GABRA3: variants seen among roughly 807,000 people sequenced by gnomAD.
GABRA3 encodes the protein gamma-aminobutyric acid receptor subunit alpha-3.
Under a neutral mutation model 30.1 loss-of-function variants are expected in GABRA3, and 10 were observed. The observed-to-expected ratio is 0.33, with a 90% CI of 0.20 to 0.56. The LOEUF (loss-of-function observed/expected upper bound fraction) is 0.56, where lower values mean the gene tolerates loss of function less well. Ranked by LOEUF, GABRA3 falls within the 20% of genes least tolerant of loss-of-function variation. GABRA3 has a pLI of 0.89. For synonymous variants in GABRA3, 151 were observed against 146.8 expected (o/e 1.03, Z -0.21); for missense variants, 233 against 392.0 (o/e 0.59, Z 3.42).
rs532244816 is a variant in GABRA3, at chrX:152,182,045, A to G, written c.1143+7685T>C. ...GATGTTAGCTGTGGGTTTGTCATAT[A>G]TGGCCTTTATTGTGATTGTAATTAG... On this transcript the variant is annotated intron_variant, in intron 9 of 9. Transcript: ENST00000370314. Among the ~76,000 whole-genome samples the G allele has an allele frequency of 8.2e-5, 9 of 109,964 alleles. No individual in the cohort carries two copies. In the South Asian group the frequency reaches 3.5e-3, roughly 43 times the overall value.
chrX:152,342,450 C>T (rs186279739), intron 3 of GABRA3, among the ~76,000 whole-genome samples: 15 of 111,516 alleles, frequency 1.3e-4, no homozygotes, highest in Admixed American at 1.9e-4. Flanking sequence ...GCACTGATTT[C>T]CATTTCATTT....
intron 4 of GABRA3, among the ~76,000 whole-genome samples, chrX:152,279,424 T>C (rs1268725480): frequency 9.0e-6 from 1 of 111,454 alleles, no homozygotes; most frequent in Non-Finnish European, 1.9e-5. Context: ...TAGTTGTAGA[T>C]ATGTGGCATT....
At chrX:152,235,299 T>C (rs772095191) in intron 5 of GABRA3, among the ~76,000 whole-genome samples, 2 of 111,968 alleles carry the variant, frequency 1.8e-5, no homozygotes, top group East Asian at 5.6e-4. Flanking sequence ...TTGATTTTTA[T>C]ATGTGGATTT....
At chrX:152,432,485 C>T (rs960070283) in intron 1 of GABRA3, among the ~76,000 whole-genome samples, 7 of 110,878 alleles carry the variant, frequency 6.3e-5, no homozygotes, top group African/African-American at 2.0e-4. Flanking sequence ...ATATTATGAA[C>T]AACTTTAGCC....
chrX:152,366,907 G>A (rs989939662), intron 1 of GABRA3, among the ~76,000 whole-genome samples: 2 of 111,511 alleles, frequency 1.8e-5, no homozygotes, highest in African/African-American at 6.5e-5. Context: ...TGGTCCATGA[G>A]TAGGCAGACA....
Position 152,168,308 on chromosome X carries a change from A to G in GABRA3, c.1399T>C (p.Phe467Leu), listed in dbSNP as rs766792912. 1 of 1,210,098 alleles carries G rather than the reference A, an allele frequency of 8.3e-7. No homozygotes were observed. Among genetic ancestry groups the G allele is most frequent in the East Asian group, 3.0e-5 (1 of 33,757 alleles). ...CAATAGACCAGATTGAATATGGCAA[A>G]GAGCACAGGAAAGATGATGCGGGAA... ...KISRIIFPVL[F>L]AIFNLVYWAT... is the part of the protein sequence containing the mutation. The change falls in exon 10 of 10, where the codon TTT becomes CTT. Residue 467 changes from phenylalanine to leucine, a missense_variant. Phe to Leu is a conservative substitution (Grantham distance 22). Transcript: ENST00000370314.
At chrX:152,285,132 A>G (rs1318757230) in intron 3 of GABRA3, among the ~76,000 whole-genome samples, 2 of 111,733 alleles carry the variant, frequency 1.8e-5, no homozygotes, top group Non-Finnish European at 3.8e-5. Flanking sequence ...TAAAATATAG[A>G]GGGGCAATAG....
chrX:152,380,004 A>T (rs886864905), intron 1 of GABRA3, among the ~76,000 whole-genome samples: 4 of 110,813 alleles, frequency 3.6e-5, no homozygotes, highest in Admixed American at 2.9e-4. Flanking sequence ...TGCCTGGCTA[A>T]TTTTTGTATT....
Position 152,171,565 on chromosome X carries a change from C to G in GABRA3, c.1144-3002G>C, listed in dbSNP as rs778292037. 2.6e-5 allele frequency: 3 copies of G among 113,407 alleles called. No individual in the cohort carries two copies. The East Asian group carries it at 8.4e-4, about 32-fold the overall frequency. The allele number at this position is 113,407 out of a possible 1,213,427, so 9.3% of individuals were successfully genotyped here. ...CCTTGATAGATACAGACTGAGATGA[C>G]TTAACTTTGACCGAATTGTCATAAT... On this transcript the variant is annotated intron_variant, in intron 9 of 9. Coordinates refer to ENST00000370314, the MANE Select transcript of GABRA3 (RefSeq NM_000808.4).
At chrX:152,322,182 A>C (rs941679694) in intron 3 of GABRA3, among the ~76,000 whole-genome samples, 1 of 112,614 alleles carries the variant, frequency 8.9e-6, no homozygotes, top group African/African-American at 3.2e-5. Context: ...TGATACATGT[A>C]CTGATACATG....
intron 9 of GABRA3, among the ~76,000 whole-genome samples, chrX:152,173,601 C>G (rs111594521): frequency 7.1e-4 from 78 of 109,626 alleles, no homozygotes; most frequent in African/African-American, 2.3e-3. Context: ...CATGTGCCAC[C>G]GCTGCCCCCC....
intron 1 of GABRA3, among the ~76,000 whole-genome samples, chrX:152,448,029 T>C (rs1466063977): frequency 8.9e-6 from 1 of 112,869 alleles, no homozygotes; most frequent in Non-Finnish European, 1.9e-5. Context: ...ATCTTTTGTA[T>C]GTCTTTTCTT....
intron 7 of GABRA3, among the ~76,000 whole-genome samples, chrX:152,198,795 C>G (rs183067954): frequency 1.2e-3 from 131 of 112,156 alleles, no homozygotes; most frequent in African/African-American, 4.0e-3. Flanking sequence ...TCTTTAATAC[C>G]TTAAACTCTA....
chrX:152,190,088 T>C (rs1010140370), intron 8 of GABRA3, 147 bp from the exon 9 acceptor site: 4 of 442,831 alleles, frequency 9.0e-6, no homozygotes, highest in African/African-American at 5.0e-5. Flanking sequence ...AAAAAAACAC[T>C]GGACTATCAA....
intron 5 of GABRA3, among the ~76,000 whole-genome samples, chrX:152,225,790 C>T (rs1357245301): frequency 1.8e-5 from 2 of 109,560 alleles, no homozygotes; most frequent in Non-Finnish European, 3.8e-5. Flanking sequence ...GGAAGCTAGC[C>T]GTCATGAGCT....
At position 152,212,322 on chromosome X, in the gene GABRA3, AAAAAAAAAAT is replaced by A. The variant is rs769504016; in HGVS notation, c.635-4188_635-4179del. Among the ~76,000 whole-genome samples, 82 of 73,865 alleles carry A rather than the reference AAAAAAAAAAT, an allele frequency of 1.1e-3. 10 individuals are homozygous for A. The highest frequency in any genetic ancestry group is 3.3e-3 in the African/African-American group (56 of 16,720). The allele number at this position is 73,865 out of a possible 115,157, so 64.1% of individuals were successfully genotyped here. ...AAAAAAAAAAAAAAAAAAAAAAAAA[AAAAAAAAAAT>A]TCCAAATTGCCTACCCTAAGAACTA... On this transcript the variant is annotated intron_variant, in intron 6 of 9. Coordinates refer to ENST00000370314, the MANE Select transcript of GABRA3 (RefSeq NM_000808.4).
intron 3 of GABRA3, among the ~76,000 whole-genome samples, chrX:152,296,553 T>A (rs1250762761): frequency 9.0e-6 from 1 of 111,594 alleles, no homozygotes; most frequent in East Asian, 2.8e-4. Flanking sequence ...CATGCCCACT[T>A]TTGCAGGCTG....
rs1263301154 is a variant in GABRA3, at chrX:152,203,041, G to T, written c.778+4960C>A. Reference sequence around the variant, plus strand: ...GATGGAGAAAGCAGGCCTCAGTGTAGATGAGAAGCAGCAGAGGGAGCTCAG... The same window carrying T: ...GATGGAGAAAGCAGGCCTCAGTGTATATGAGAAGCAGCAGAGGGAGCTCAG... On this transcript the variant is annotated intron_variant, in intron 7 of 9. Transcript: ENST00000370314. Among the ~76,000 whole-genome samples the T allele has an allele frequency of 1.9e-4, 21 of 112,297 alleles. No individual in the cohort carries two copies. The Admixed American group carries it at 2.0e-3, about 11-fold the overall frequency.
chrX:152,176,711 T>G, intron 9 of GABRA3, among the ~76,000 whole-genome samples: 1 of 111,249 alleles, frequency 9.0e-6, no homozygotes, highest in Non-Finnish European at 1.9e-5. Flanking sequence ...AATAGGAATA[T>G]AATCCCAATA....
Sources: allele counts gnomAD v4.1 joint callset (sites outside exome capture counted in the v4.1 genomes callset), GRCh38; gene constraint gnomAD v4.1.1; transcripts MANE v1.5; gene names NCBI Gene and HGNC (gene_info 2026-07-23, HGNC 2026-07-21).